The following DNAH9 variants were observed in gnomAD, a reference collection of about 807,000 sequenced individuals.
The protein encoded by DNAH9 is DNAH9 variant protein.
Under a neutral mutation model 471.6 loss-of-function variants are expected in DNAH9, and 345 were observed. That is an observed-to-expected ratio of 0.73 (90% CI 0.67 to 0.80). The LOEUF is 0.80. Among genes scored for constraint, DNAH9 ranks in the 30% least tolerant of loss-of-function variants. The probability of loss-of-function intolerance (pLI) is 0.00; values close to 1 mark genes in which losing one functional copy is unlikely to be tolerated. For synonymous variants in DNAH9, 2,093 were observed against 2,123.6 expected (o/e 0.99, Z 0.40); for missense variants, 5,407 against 5,609.2 (o/e 0.96, Z 1.15).
At chr17:11,821,728 A>G (rs1970316487) in intron 45 of DNAH9, among the ~76,000 whole-genome samples, 192 bp from the exon 46 acceptor site, 1 of 152,218 alleles carries the variant, frequency 6.6e-6, no homozygotes, top group Admixed American at 6.5e-5. Context: ...CTCTGTTCCA[A>G]TCATTAACAT....
intron 50 of DNAH9, among the ~76,000 whole-genome samples, chr17:11,866,877 G>T (rs1321813561): frequency 6.6e-6 from 1 of 152,182 alleles, no homozygotes; most frequent in East Asian, 1.9e-4. Flanking sequence ...ATCGGAAAAG[G>T]GCAGTATTCG....
chr17:11,780,757 T>C (rs1968636228), intron 38 of DNAH9, among the ~76,000 whole-genome samples: 1 of 152,212 alleles, frequency 6.6e-6, no homozygotes, highest in Admixed American at 6.5e-5. Flanking sequence ...AATTAAGATG[T>C]CTAAAAACTT....
At chr17:11,957,725 C>T (rs188166893) in intron 67 of DNAH9, among the ~76,000 whole-genome samples, 15 of 152,242 alleles carry the variant, frequency 9.9e-5, no homozygotes, top group Admixed American at 5.2e-4. Context: ...GCTACTTCAG[C>T]CATACACCAC....
intron 66 of DNAH9, among the ~76,000 whole-genome samples, chr17:11,939,201 C>G (rs540566778): frequency 6.6e-6 from 1 of 152,248 alleles, no homozygotes; most frequent in Non-Finnish European, 1.5e-5. Flanking sequence ...CCATATCACT[C>G]TACTCAGTCT....
At chr17:11,701,354 C>T in intron 24 of DNAH9, 107 bp downstream of exon 24, 4 of 1,292,204 alleles carry the variant, frequency 3.1e-6, no homozygotes, top group Non-Finnish European at 4.4e-6. Flanking sequence ...GCATGCTTCA[C>T]AGCCAGGGAG....
chr17:11,737,825 G>A (rs1455586011), intron 28 of DNAH9, among the ~76,000 whole-genome samples: 1 of 152,118 alleles, frequency 6.6e-6, no homozygotes, highest in Admixed American at 6.5e-5. Flanking sequence ...ATCTGTAAAG[G>A]GTCACCTGTT....
intron 22 of DNAH9, among the ~76,000 whole-genome samples, chr17:11,699,163 C>G (rs2074547588): frequency 6.6e-6 from 1 of 152,076 alleles, no homozygotes; most frequent in Non-Finnish European, 1.5e-5. Context: ...GCAGGAGAAT[C>G]GCTTGAACCT....
chr17:11,951,984 G>A (rs557370710), intron 67 of DNAH9, among the ~76,000 whole-genome samples: 1 of 151,736 alleles, frequency 6.6e-6, no homozygotes, highest in South Asian at 2.1e-4. Flanking sequence ...TACATTTCAT[G>A]TGTTCAGTAG....
At chr17:11,745,167 A>C (rs2075502103) in intron 31 of DNAH9, 83 bp downstream of exon 31, 1 of 1,223,376 alleles carries the variant, frequency 8.2e-7, no homozygotes, top group African/African-American at 1.5e-5. Flanking sequence ...CCATAATCCA[A>C]AGGGTTGTTT....
intron 24 of DNAH9, among the ~76,000 whole-genome samples, chr17:11,702,227 G>C (rs1213646006): frequency 1.3e-5 from 2 of 152,206 alleles, no homozygotes; most frequent in African/African-American, 4.8e-5. Flanking sequence ...GGTGGATTCT[G>C]GAAGCCAGTT....
chr17:11,931,277 C>A (rs186599328), intron 63 of DNAH9, among the ~76,000 whole-genome samples: 3 of 152,268 alleles, frequency 2.0e-5, no homozygotes, highest in Admixed American at 6.5e-5. Flanking sequence ...TGTCATAGTA[C>A]CAGTGCATCT....
At chr17:11,954,436 A>G (rs1975536321) in intron 67 of DNAH9, among the ~76,000 whole-genome samples, 2 of 152,178 alleles carry the variant, frequency 1.3e-5, no homozygotes, top group Non-Finnish European at 2.9e-5. Flanking sequence ...CAGCAAGAGG[A>G]GAAAAATAAA....
chr17:11,946,115 G>A (rs1975111244), intron 67 of DNAH9, among the ~76,000 whole-genome samples: 1 of 142,782 alleles, frequency 7.0e-6, no homozygotes, highest in African/African-American at 2.6e-5. Flanking sequence ...CAGGAGAATA[G>A]TTTGAACCCG....
Position 11,923,913 on chromosome 17 carries a change from C to T in DNAH9, c.11849C>T (p.Ala3950Val), listed in dbSNP as rs1441971087. 2 of 1,613,840 alleles carry T rather than the reference C, an allele frequency of 1.2e-6. No individual in the cohort carries two copies. Among genetic ancestry groups the T allele is most frequent in the Non-Finnish European group, 1.7e-6 (2 of 1,179,938 alleles). The change falls in exon 62 of 69, where the codon GCC (alanine) becomes GTC (valine). Residue 3950 changes from alanine (A) to valine (V), a missense_variant. Physicochemically the swap from Ala to Val is moderately conservative, Grantham distance 64 (BLOSUM62 0). Transcript: ENST00000262442. ...VVAEAALDLA[A>V]KKGHWVILQN... ...GCTGAGGCTGCGCTGGACCTCGCTGCCAAGAAAGGTCACTGGGTTATTTTG... is the reference window on the plus strand; with the variant it reads ...GCTGAGGCTGCGCTGGACCTCGCTGTCAAGAAAGGTCACTGGGTTATTTTG...
rs745339291 is a variant in DNAH9 at position 11,651,054 on chromosome 17, GCTT to G, written c.2098-11_2098-9del. ...TCACTGAACGACAGACACTTGTGTT[GCTT>G]CTTTTCTCCAGCTGATTTCAGTGCT... On this transcript the variant is annotated splice_polypyrimidine_tract_variant and intron_variant, in intron 12 of 68. Transcript: ENST00000262442. The G allele has an allele frequency of 6.2e-7, 1 of 1,610,626 alleles. No individual in the cohort carries two copies. The highest frequency in any genetic ancestry group is 1.7e-5 in the Admixed American group (1 of 59,778).
chr17:11,616,165 A>G (rs1321002087), intron 4 of DNAH9, among the ~76,000 whole-genome samples: 2 of 152,194 alleles, frequency 1.3e-5, no homozygotes, highest in Non-Finnish European at 1.5e-5. Context: ...GGAGGGCCCT[A>G]GGAAAGTTAT....
intron 45 of DNAH9, among the ~76,000 whole-genome samples, chr17:11,817,332 T>C (rs1017907754): frequency 1.3e-5 from 2 of 152,236 alleles, no homozygotes; most frequent in Non-Finnish European, 2.9e-5. Flanking sequence ...TTAAAGGTTC[T>C]AGGGATCTTG....
intron 14 of DNAH9, among the ~76,000 whole-genome samples, chr17:11,657,726 G>A (rs753915803): frequency 9.9e-5 from 15 of 151,736 alleles, no homozygotes; most frequent in Admixed American, 5.9e-4. Flanking sequence ...TGTTTAGGAG[G>A]TTACAGGAAT....
At chr17:11,816,652 A>T (rs191890874) in intron 45 of DNAH9, among the ~76,000 whole-genome samples, 2 of 152,164 alleles carry the variant, frequency 1.3e-5, no homozygotes, top group Non-Finnish European at 2.9e-5. Flanking sequence ...CACCCTTTTT[A>T]TCACCAAAGT....
Sources: allele counts gnomAD v4.1 joint callset (sites outside exome capture counted in the v4.1 genomes callset), GRCh38; gene constraint gnomAD v4.1.1; transcripts MANE v1.5; gene names NCBI Gene and HGNC (gene_info 2026-07-23, HGNC 2026-07-21).